The following PDXDC1 variants were observed in gnomAD, a reference collection of about 807,000 sequenced individuals.
The protein encoded by PDXDC1 is pyridoxal dependent decarboxylase domain containing 1, also known as pyridoxal-dependent decarboxylase domain-containing protein 1.
In PDXDC1, 42 loss-of-function variants were observed where a neutral mutation model predicts 100.1. That is an observed-to-expected ratio of 0.42 (90% CI 0.33 to 0.54). The LOEUF is 0.54. Among genes scored for constraint, PDXDC1 ranks in the 20% least tolerant of loss-of-function variants. The probability of loss-of-function intolerance (pLI) is 0.10; values close to 1 mark genes in which losing one functional copy is unlikely to be tolerated. For missense variants in PDXDC1, 636 were observed against 979.2 expected (o/e 0.65, Z 4.68); for synonymous variants, 260 against 371.7 (o/e 0.70, Z 3.46).
At chr16:15,030,263 G>A (rs573408920) in intron 16 of PDXDC1, among the ~76,000 whole-genome samples, 30 of 152,316 alleles carry the variant, frequency 2.0e-4, no homozygotes, top group African/African-American at 6.5e-4. Context: ...CACCTGAATT[G>A]GCCGGGCATG....
At chr16:15,052,713 TACTC>T (rs1335451942) in intron 16 of PDXDC1, among the ~76,000 whole-genome samples, 1 of 152,038 alleles carries the variant, frequency 6.6e-6, no homozygotes, top group Admixed American at 6.6e-5. Flanking sequence ...AGATGTCTGA[TACTC>T]AGGAGGCTGT....
chr16:15,090,655 G>A (rs369680206), intron 16 of PDXDC1, among the ~76,000 whole-genome samples: 2 of 152,092 alleles, frequency 1.3e-5, no homozygotes, highest in East Asian at 1.9e-4. Context: ...TTCACACAGT[G>A]GAAAATAGAG....
At chr16:15,041,729 A>G, downstream of PDXDC1, 1 of 1,336,870 alleles carries the variant, frequency 7.5e-7, no homozygotes, top group Non-Finnish European at 1.1e-6. Flanking sequence ...TAGTTACCAG[A>G]ACAAACTGCT....
chr16:15,074,858 C>T, intron 16 of PDXDC1: 1 of 1,606,556 alleles, frequency 6.2e-7, no homozygotes, highest in South Asian at 1.1e-5. Flanking sequence ...TCTTCATCTT[C>T]ATCCTTTGAA....
intron 16 of PDXDC1, chr16:15,133,434 AG>A: frequency 6.0e-6 from 6 of 997,742 alleles, no homozygotes; most frequent in Admixed American, 2.0e-5. Context: ...CTACGAGCAG[AG>A]GGGGGTGGTG....
At chr16:14,997,556 ACAG>A (rs1420425263) in intron 1 of PDXDC1, among the ~76,000 whole-genome samples, 194 bp from the exon 2 acceptor site, 1 of 152,274 alleles carries the variant, frequency 6.6e-6, no homozygotes, top group Non-Finnish European at 1.5e-5. Flanking sequence ...AAAAATAAAA[ACAG>A]CGGCTTCCTC....
chr16:15,019,159 G>A (rs1468451927), intron 12 of PDXDC1, among the ~76,000 whole-genome samples, 194 bp downstream of exon 12: 1 of 152,276 alleles, frequency 6.6e-6, no homozygotes, highest in Non-Finnish European at 1.5e-5. Context: ...GTCTGTCCCA[G>A]CATTTGTGTG....
At chr16:15,135,108 A>C in intron 16 of PDXDC1, 1 of 629,124 alleles carries the variant, frequency 1.6e-6, no homozygotes, top group South Asian at 1.8e-5. Context: ...GAACTGTGGC[A>C]GGTTTGGAAG....
intron 1 of PDXDC1, among the ~76,000 whole-genome samples, chr16:14,995,332 T>C (rs566701221): frequency 5.2e-5 from 8 of 152,408 alleles, no homozygotes; most frequent in Non-Finnish European, 1.0e-4. Context: ...ACCCAGTTTA[T>C]TGAGAGTTTT....
At chr16:15,063,727 AAAAC>A (rs2044827108) in intron 16 of PDXDC1, among the ~76,000 whole-genome samples, 1 of 151,516 alleles carries the variant, frequency 6.6e-6, no homozygotes, top group African/African-American at 2.4e-5. Context: ...AAAAAAGAAA[AAAAC>A]AAAACAAAAA....
At chr16:15,144,448 TG>T in the PDXDC1 span, among the ~76,000 whole-genome samples, 5 of 151,134 alleles carry the variant, frequency 3.3e-5, no homozygotes, top group East Asian at 6.0e-4. Flanking sequence ...ACCACTTCCA[TG>T]GGGAGGGCCA....
chr16:15,133,659 G>A (rs1188509582), intron 16 of PDXDC1: 25 of 1,527,962 alleles, frequency 1.6e-5, no homozygotes, highest in Admixed American at 3.4e-5. Context: ...TGCAGCAGCA[G>A]GGCGTACACC....
intron 12 of PDXDC1, among the ~76,000 whole-genome samples, chr16:15,020,689 A>AG (rs1567688505): frequency 6.6e-6 from 1 of 152,206 alleles, no homozygotes; most frequent in African/African-American, 2.4e-5. Context: ...TTTTAAAAAA[A>AG]GAAAGAAAAA....
chr16:15,043,306 G>A (rs995503386), downstream of PDXDC1, among the ~76,000 whole-genome samples: 1 of 152,216 alleles, frequency 6.6e-6, no homozygotes, highest in African/African-American at 2.4e-5. Flanking sequence ...AAAGTGCTGG[G>A]ATTACAGGCA....
chr16:14,989,947 C>T (rs895428819), intron 1 of PDXDC1: 2 of 1,461,666 alleles, frequency 1.4e-6, no homozygotes, highest in African/African-American at 1.5e-5. Flanking sequence ...CCGCGCCAGG[C>T]GCGGGTGGCC....
At chr16:15,132,413 G>A (rs1168286787) in intron 16 of PDXDC1, among the ~76,000 whole-genome samples, 4 of 108,738 alleles carry the variant, frequency 3.7e-5, no homozygotes, top group African/African-American at 1.4e-4. Context: ...AGGGGCAGGG[G>A]AGGGGCTAGG....
chr16:15,071,312 A>C, intron 16 of PDXDC1: 2 of 1,488,860 alleles, frequency 1.3e-6, no homozygotes, highest in South Asian at 2.6e-5. Context: ...CTGGCTATCA[A>C]AATCCCAAGA....
At chr16:15,058,565 A>G (rs1299171880) in intron 16 of PDXDC1, among the ~76,000 whole-genome samples, 1 of 152,024 alleles carries the variant, frequency 6.6e-6, no homozygotes, top group Non-Finnish European at 1.5e-5. Flanking sequence ...CATCTCTACT[A>G]AAAATACAAA....
At chr16:15,093,162 G>T (rs1187745502) in intron 16 of PDXDC1, among the ~76,000 whole-genome samples, 2 of 152,058 alleles carry the variant, frequency 1.3e-5, no homozygotes, top group African/African-American at 4.8e-5. Context: ...CTGCCACCAT[G>T]CCCGGCTGAT....
Sources: allele counts gnomAD v4.1 joint callset (sites outside exome capture counted in the v4.1 genomes callset), GRCh38; gene constraint gnomAD v4.1.1; transcripts MANE v1.5; gene names NCBI Gene and HGNC (gene_info 2026-07-23, HGNC 2026-07-21).